Variants in HERC2 observed in about 807,000 individuals in gnomAD.
The protein encoded by HERC2 is HECT and RLD domain containing E3 ubiquitin protein ligase 2, also known as E3 ubiquitin-protein ligase HERC2.
Under a neutral mutation model 537.7 loss-of-function variants are expected in HERC2, and 102 were observed. The observed-to-expected ratio is 0.19, with a 90% CI of 0.16 to 0.22. The LOEUF is 0.22. HERC2 is among the 10% of genes least tolerant of loss of function. The pLI is 1.00. For synonymous variants in HERC2, 2,224 were observed against 2,466.2 expected (o/e 0.90, Z 2.91); for missense variants, 4,236 against 6,198.2 (o/e 0.68, Z 10.63).
intron 23 of HERC2, among the ~76,000 whole-genome samples, chr15:28,239,361 CA>C (rs1178850879): frequency 6.6e-6 from 1 of 151,882 alleles, no homozygotes; most frequent in Non-Finnish European, 1.5e-5. Context: ...TAAAAATACT[CA>C]AAAAAAGAAA....
Position 28,268,992 on chromosome 15 carries a change from A to C in HERC2, c.1446+256T>G, listed in dbSNP as rs1251682840. Among the ~76,000 whole-genome samples the C allele has an allele frequency of 6.6e-6, 1 of 152,204 alleles. No individual in the cohort carries two copies. The highest frequency in any genetic ancestry group is 2.1e-4 in the South Asian group (1 of 4,830). On this transcript the variant is annotated intron_variant, in intron 11 of 92. Transcript: ENST00000261609. The surrounding 1 kb of genome is among the most constrained non-coding windows in gnomAD (Gnocchi z 4.7). ...ACCTGTCTGGCCCCAACGTCAAATG[A>C]GTTTACACGTGGAAATGAGTTTACA...
intron 82 of HERC2, 40 bp from the exon 83 acceptor site, chr15:28,130,342 A>G (rs1325909661): frequency 6.2e-7 from 1 of 1,613,248 alleles, no homozygotes. Context: ...GGGCAAGGTG[A>G]TCTCACTGAC....
At chr15:28,293,522 T>C (rs60186418) in intron 3 of HERC2, among the ~76,000 whole-genome samples, 1 of 147,992 alleles carries the variant, frequency 6.8e-6, no homozygotes, top group African/African-American at 2.5e-5. Context: ...GAAACCAATA[T>C]AACAAATTAT....
rs1379471281 is a variant in HERC2 at position 28,113,937 on chromosome 15, G to A, written c.13914-259C>T. ...TGCACACCCCAAGACGCCACTCTCAGTACCCACAGGACACCCCAGGAGAAG... is the reference window on the plus strand; with the variant it reads ...TGCACACCCCAAGACGCCACTCTCAATACCCACAGGACACCCCAGGAGAAG... On this transcript the variant is annotated intron_variant, in intron 90 of 92. Transcript: ENST00000261609. The surrounding 1 kb of genome is among the most constrained non-coding windows in gnomAD (Gnocchi z 7.0). Among the ~76,000 whole-genome samples, 1 of 152,146 alleles carries A rather than the reference G, an allele frequency of 6.6e-6. No individual in the cohort carries two copies. Among genetic ancestry groups the A allele is most frequent in the African/African-American group, 2.4e-5 (1 of 41,432 alleles).
intron 34 of HERC2, among the ~76,000 whole-genome samples, 158 bp from the exon 35 acceptor site, chr15:28,228,567 G>A (rs536707695): frequency 7.3e-4 from 111 of 152,028 alleles, no homozygotes; most frequent in African/African-American, 2.5e-3. Flanking sequence ...CAGAAAGCAC[G>A]GGCGATTACT....
chr15:28,166,520 G>A lies in HERC2; in HGVS notation c.10554+1167C>T, dbSNP rs1377543337. On this transcript the variant is annotated intron_variant, in intron 68 of 92. Transcript: ENST00000261609. The stretch of plus-strand genomic sequence containing the variant: ...TTAGCTTACCAAGCACCCAGATCTC[G>A]GTTTCCAAATCCTACAAGCCACTAG... Among the ~76,000 whole-genome samples, 6 of 152,252 alleles carry A rather than the reference G, an allele frequency of 3.9e-5. No individual in the cohort carries two copies. In the South Asian group the frequency reaches 6.2e-4, roughly 16 times the overall value.
chr15:28,114,758 A>G lies in HERC2; in HGVS notation c.13767T>C (p.Asn4589=), dbSNP rs1327810475. Residue 4589 remains asparagine, a synonymous_variant, in exon 90 of 93, where the codon AAT becomes AAC. Coordinates refer to ENST00000261609, the MANE Select transcript of HERC2 (RefSeq NM_004667.6). ...FIPGLMYIRD[N]EATSEEFEAM... Reference sequence around the variant, plus strand: ...CTTCAAACTCCTCTGAGGTGGCTTCATTGTCTCGGATGTACATGAGTCCAG... The same window carrying G: ...CTTCAAACTCCTCTGAGGTGGCTTCGTTGTCTCGGATGTACATGAGTCCAG... 1 of 1,613,944 alleles carries G rather than the reference A, an allele frequency of 6.2e-7. No homozygotes were observed. Among genetic ancestry groups the G allele is most frequent in the Non-Finnish European group, 8.5e-7 (1 of 1,180,030 alleles).
intron 65 of HERC2, among the ~76,000 whole-genome samples, chr15:28,174,031 TTAAA>T (rs1005730134): frequency 1.3e-5 from 2 of 151,896 alleles, no homozygotes; most frequent in Admixed American, 1.3e-4. Context: ...AATGCATACT[TTAAA>T]TAGGTGCAGT....
At chr15:28,142,466 C>A in intron 75 of HERC2, 73 bp from the exon 76 acceptor site, 1 of 1,451,496 alleles carries the variant, frequency 6.9e-7, no homozygotes, top group African/African-American at 1.4e-5. Flanking sequence ...TCTGTGGCTC[C>A]TTCCGCAGGA....
chr15:28,169,940 T>C (rs570590710), intron 65 of HERC2, among the ~76,000 whole-genome samples: 6 of 152,362 alleles, frequency 3.9e-5, no homozygotes, highest in South Asian at 4.1e-4. Context: ...ATATAAACTA[T>C]GAAAATGCTA....
intron 68 of HERC2, 58 bp from the exon 69 acceptor site, chr15:28,163,343 G>A: frequency 6.7e-7 from 1 of 1,499,914 alleles, no homozygotes; most frequent in Non-Finnish European, 9.1e-7. Flanking sequence ...GAGATAAAGA[G>A]TCACCAGTTT....
chr15:28,130,073 T>C, intron 83 of HERC2, 90 bp downstream of exon 83: 1 of 1,513,026 alleles, frequency 6.6e-7, no homozygotes, highest in Non-Finnish European at 9.1e-7. Flanking sequence ...ACACCTGGCC[T>C]GTGCCCCCTT....
At chr15:28,131,653 G>A (rs1412278759) in intron 81 of HERC2, among the ~76,000 whole-genome samples, 3 of 152,128 alleles carry the variant, frequency 2.0e-5, no homozygotes, top group Non-Finnish European at 2.9e-5. Flanking sequence ...CCTTGCTCTC[G>A]CTCCTCACAG....
At position 28,276,815 on chromosome 15, in the gene HERC2, G is replaced by A. The variant is rs371682256; in HGVS notation, c.543-1810C>T. ...ATGATACATGCAATGACCCCTTTGG[G>A]AAAATGTTAAGGGGATTGTGCTGAG... On this transcript the variant is annotated intron_variant, in intron 5 of 92. Transcript: ENST00000261609. 1.7e-4 allele frequency among the ~76,000 whole-genome samples: 26 copies of A among 152,256 alleles called. 1 individual carries two copies. Among genetic ancestry groups the A allele is most frequent in the Middle Eastern group, 6.8e-3 (2 of 294 alleles).
At chr15:28,144,335 A>G in intron 72 of HERC2, 100 bp from the exon 73 acceptor site, 1 of 1,268,458 alleles carries the variant, frequency 7.9e-7, no homozygotes. Flanking sequence ...AGCCCCACCC[A>G]CCAGAAGGCA....
At position 28,213,981 on chromosome 15, in the gene HERC2, G is replaced by T. The variant is rs373953643; in HGVS notation, c.6556-9C>A. 4 of 1,612,572 alleles carry T rather than the reference G, an allele frequency of 2.5e-6. No homozygotes were observed. The highest frequency in any genetic ancestry group is 3.4e-6 in the Non-Finnish European group (4 of 1,178,614). ...TAGTCCTCTAACTGGGCCTAGTGCA[G>T]ACCAAACAGCGAGCTCGACAGAGAC... On this transcript the variant is annotated splice_polypyrimidine_tract_variant and intron_variant, in intron 41 of 92. Transcript: ENST00000261609.
chr15:28,168,323 C>T (rs905285356), intron 67 of HERC2, 84 bp downstream of exon 67: 1 of 1,364,058 alleles, frequency 7.3e-7, no homozygotes, highest in Non-Finnish European at 1.0e-6. Flanking sequence ...ACAGCCTAAA[C>T]TAAATGACAC....
At chr15:28,244,188 T>A (rs2140773738) in intron 23 of HERC2, among the ~76,000 whole-genome samples, 1 of 152,286 alleles carries the variant, frequency 6.6e-6, no homozygotes, top group South Asian at 2.1e-4. Context: ...ACATATTTAC[T>A]TTAACCTAAA....
chr15:28,141,111 G>A (rs969867666), intron 78 of HERC2, among the ~76,000 whole-genome samples: 49 of 151,870 alleles, frequency 3.2e-4, no homozygotes, highest in African/African-American at 1.1e-3. Context: ...GGTGGCGGGC[G>A]CCTATAATCC....
Sources: gnomAD v4.1 joint callset for allele counts (sites outside exome capture counted in the v4.1 genomes callset) on GRCh38, gnomAD v4.1.1 for gene constraint, Gnocchi (gnomAD v3.1) non-coding constraint, MANE v1.5 for transcripts, NCBI Gene and HGNC (gene_info 2026-07-23, HGNC 2026-07-21) for gene names.